Variants in FAM149B1 observed in about 807,000 individuals in gnomAD.
FAM149B1 encodes the protein primary cilium assembly protein FAM149B1.
Under a neutral mutation model 75.3 loss-of-function variants are expected in FAM149B1, and 56 were observed. The ratio of observed to expected loss-of-function variants is 0.74; its 90% CI spans 0.60 to 0.93. The LOEUF (loss-of-function observed/expected upper bound fraction) is 0.93, where lower values mean the gene tolerates loss of function less well. Ranked by LOEUF, FAM149B1 falls within the 40% of genes least tolerant of loss-of-function variation. The pLI, the probability that FAM149B1 is intolerant of heterozygous loss-of-function variation, is 0.00. For synonymous variants in FAM149B1, 259 were observed against 256.1 expected, an observed-to-expected ratio of 1.01 and a Z score of -0.11; for missense variants, 639 against 708.4, an observed-to-expected ratio of 0.90 and a Z score of 1.11.
chr10:73,210,346 A>G lies in FAM149B1; in HGVS notation c.806A>G (p.Asp269Gly), dbSNP rs973939328. ...GCTCCATTTTACTGCATGAAAGAAGATGTCCTTGCTTATGTGTTTGACAGT... is the reference window on the plus strand; with the variant it reads ...GCTCCATTTTACTGCATGAAAGAAGGTGTCCTTGCTTATGTGTTTGACAGT... ...PIAPFYCMKE[D>G]VLAYVFDSVW... Residue 269 changes from aspartate (D) to glycine (G), a missense_variant, in exon 7 of 14, where the codon GAT (aspartate) becomes GGT (glycine). Physicochemically the swap from Asp to Gly is moderately conservative, Grantham distance 94. Coordinates refer to ENST00000242505, the MANE Select transcript of FAM149B1 (RefSeq NM_173348.2). 1 of 1,551,274 alleles carries G rather than the reference A, an allele frequency of 6.4e-7. No homozygotes were observed. Among genetic ancestry groups the G allele is most frequent in the African/African-American group, 1.4e-5 (1 of 73,020 alleles).
rs1195263202 is a variant in FAM149B1, at chr10:73,241,648, C to T, written c.*629C>T. ...ATTTTTTCAGATAGGACAGCTCAAC[C>T]TTACGATGCCTACCTGATGCCAGGT... On this transcript the variant is annotated 3_prime_UTR_variant, in exon 14 of 14. Coordinates refer to ENST00000242505, the MANE Select transcript of FAM149B1 (RefSeq NM_173348.2). 1 of 152,416 alleles carries T rather than the reference C, an allele frequency of 6.6e-6. No homozygotes were observed. Among genetic ancestry groups the T allele is most frequent in the Non-Finnish European group, 1.5e-5 (1 of 68,208 alleles). The allele number at this position is 152,416 out of a possible 1,614,324, so 9.4% of individuals were successfully genotyped here.
In FAM149B1 at chr10:73,242,385, TG is replaced by T. The variant is rs1243136013; in HGVS notation, c.*1368del. ...ATTACCATGAGTTCACTATAACAAC[TG>T]GATCAATATGGCTTGCCTTTCAAAG... On this transcript the variant is annotated 3_prime_UTR_variant, in exon 14 of 14. Transcript: ENST00000242505. 1 of 151,838 alleles carries T rather than the reference TG, an allele frequency of 6.6e-6. No individual in the cohort carries two copies. Among genetic ancestry groups the T allele is most frequent in the African/African-American group, 2.4e-5 (1 of 41,260 alleles). The allele number at this position is 151,838 out of a possible 1,614,324, so 9.4% of individuals were successfully genotyped here. A position where few individuals can be genotyped will look rare whatever the true frequency, so the allele number is the denominator to read the frequency against.
rs557857026 is a variant in FAM149B1, at chr10:73,238,094, C to A, written c.1603-1218C>A. Among the ~76,000 whole-genome samples the A allele has an allele frequency of 3.3e-5, 5 of 152,134 alleles. No homozygotes were observed. The South Asian group carries it at 1.0e-3, about 32-fold the overall frequency. Reference sequence around the variant, plus strand: ...GCTGCAGTGGCTTACACCTGTAATCCCAGCATTTTGGGAGGCTGAGGTGGG... The same window carrying A: ...GCTGCAGTGGCTTACACCTGTAATCACAGCATTTTGGGAGGCTGAGGTGGG... On this transcript the variant is annotated intron_variant, in intron 12 of 13. Transcript: ENST00000242505.
chr10:73,194,402 A>AT (rs1007190038), intron 5 of FAM149B1, among the ~76,000 whole-genome samples: 3 of 151,874 alleles, frequency 2.0e-5, no homozygotes, highest in Admixed American at 2.0e-4. Context: ...TTATTTATTT[A>AT]TTTTTTTTGA....
chr10:73,218,745 C>G (rs2043346904), intron 7 of FAM149B1, among the ~76,000 whole-genome samples: 1 of 151,886 alleles, frequency 6.6e-6, no homozygotes, highest in Non-Finnish European at 1.5e-5. Context: ...ACCTTTTTTT[C>G]TCTAGATCAC....
At position 73,243,396 on chromosome 10, in the gene FAM149B1, T is replaced by G; in HGVS notation, c.*2377T>G. 1 of 1,613,480 alleles carries G rather than the reference T, an allele frequency of 6.2e-7. No individual in the cohort carries two copies. Among genetic ancestry groups the G allele is most frequent in the Non-Finnish European group, 8.5e-7 (1 of 1,179,846 alleles). On this transcript the variant is annotated 3_prime_UTR_variant, in exon 14 of 14. Coordinates refer to ENST00000242505, the MANE Select transcript of FAM149B1 (RefSeq NM_173348.2). ...CCTAAGGACCTTTGAAGAGAAAAAT[T>G]CCATTATTTCTTTTCTTTCTTGAGA...
At chr10:73,236,516 TGA>T in intron 12 of FAM149B1, among the ~76,000 whole-genome samples, 3 of 151,252 alleles carry the variant, frequency 2.0e-5, no homozygotes, top group Non-Finnish European at 4.4e-5. Flanking sequence ...TGGGTTCATG[TGA>T]TTCTCCTGCC....
At position 73,193,507 on chromosome 10, in the gene FAM149B1, T is replaced by G; in HGVS notation, c.456T>G (p.Ser152Arg). The G allele has an allele frequency of 6.5e-7, 1 of 1,550,162 alleles. No homozygotes were observed. Among genetic ancestry groups the G allele is most frequent in the Admixed American group, 2.0e-5 (1 of 50,952 alleles). The change falls in exon 5 of 14, where the codon AGT becomes AGG. Residue 152 changes from serine to arginine, a missense_variant. Ser to Arg is a moderately radical substitution (Grantham distance 110). Coordinates refer to ENST00000242505, the MANE Select transcript of FAM149B1 (RefSeq NM_173348.2). Reference sequence around the variant, plus strand: ...TAGGTAGGCAGATAATCACTCCAAGTGAAGGTTATAGATTGTATCCTAGAT... The same window carrying G: ...TAGGTAGGCAGATAATCACTCCAAGGGAAGGTTATAGATTGTATCCTAGAT... ...RILGRQIITP[S>R]EGYRLYPRSP...
chr10:73,226,098 AAT>A (rs1491315813), intron 7 of FAM149B1, among the ~76,000 whole-genome samples: 5 of 144,590 alleles, frequency 3.5e-5, no homozygotes, highest in African/African-American at 1.4e-4. Context: ...TTACCACAAT[AAT>A]TTTTTTTTTT....
chr10:73,229,419 A>G (rs143269416), intron 8 of FAM149B1, among the ~76,000 whole-genome samples: 89 of 152,350 alleles, frequency 5.8e-4, no homozygotes, highest in Admixed American at 5.9e-4. Flanking sequence ...TACTAAAAAT[A>G]CAAAAACTAG....
At chr10:73,178,032 G>T in intron 3 of FAM149B1, 57 bp downstream of exon 3, 1 of 1,475,144 alleles carries the variant, frequency 6.8e-7, no homozygotes, top group Non-Finnish European at 9.1e-7. Context: ...TGGGAATTAG[G>T]ATTTGTCAGT....
At chr10:73,226,237 T>G (rs1481775799) in intron 7 of FAM149B1, among the ~76,000 whole-genome samples, 1 of 151,916 alleles carries the variant, frequency 6.6e-6, no homozygotes, top group Non-Finnish European at 1.5e-5. Flanking sequence ...CCGGGCACAG[T>G]GGTTCACACC....
chr10:73,227,957 CTTGT>C, intron 7 of FAM149B1, 99 bp from the exon 8 acceptor site: 2 of 1,206,972 alleles, frequency 1.7e-6, no homozygotes, highest in Non-Finnish European at 2.4e-6. Flanking sequence ...TAAGTGAAGC[CTTGT>C]TTGAGATTAT....
chr10:73,178,104 G>A, intron 3 of FAM149B1, 129 bp downstream of exon 3: 2 of 980,176 alleles, frequency 2.0e-6, no homozygotes, highest in Non-Finnish European at 2.9e-6. Context: ...CATAATAACT[G>A]TAAAGAAGTA....
At chr10:73,213,027 T>A (rs1424335977) in intron 7 of FAM149B1, among the ~76,000 whole-genome samples, 1 of 152,062 alleles carries the variant, frequency 6.6e-6, no homozygotes, top group Non-Finnish European at 1.5e-5. Flanking sequence ...GTATTTTTTT[T>A]GTAGAGGCAG....
At chr10:73,195,495 T>C (rs2042782611) in intron 5 of FAM149B1, among the ~76,000 whole-genome samples, 1 of 152,210 alleles carries the variant, frequency 6.6e-6, no homozygotes, top group South Asian at 2.1e-4. Flanking sequence ...TGATCAAAAT[T>C]ACATAACTCA....
intron 4 of FAM149B1, 31 bp downstream of exon 4, chr10:73,192,729 A>T: frequency 2.7e-6 from 4 of 1,487,964 alleles, no homozygotes; most frequent in Non-Finnish European, 3.6e-6. Flanking sequence ...ACTTGTATTC[A>T]TGGCTAATAC....
intron 6 of FAM149B1, 43 bp from the exon 7 acceptor site, chr10:73,210,208 C>G: frequency 1.5e-6 from 2 of 1,371,268 alleles, no homozygotes; most frequent in Non-Finnish European, 2.0e-6. Context: ...AGGCAGCCTT[C>G]CCTTCAGCAT....
rs145601687 is a variant in FAM149B1 at position 73,182,264 on chromosome 10, G to A, written c.282+4289G>A. On this transcript the variant is annotated intron_variant, in intron 3 of 13. Coordinates refer to ENST00000242505, the MANE Select transcript of FAM149B1 (RefSeq NM_173348.2). ...AGTTTAGCTCTTGTAGCCCAGGCTA[G>A]AGTGCAGTGGCACAATCTCGGCTCA... Among the ~76,000 whole-genome samples the A allele has an allele frequency of 8.1e-3, 1,168 of 143,892 alleles. 12 individuals carry two copies. Among genetic ancestry groups the A allele is most frequent in the African/African-American group, 0.027 (1,044 of 38,440 alleles). 94.4% of individuals were successfully genotyped at this position (143,892 alleles called of 152,430 possible).
Sources: allele counts gnomAD v4.1 joint callset (sites outside exome capture counted in the v4.1 genomes callset), GRCh38; gene constraint gnomAD v4.1.1; transcripts MANE v1.5; gene names NCBI Gene and HGNC (gene_info 2026-07-23, HGNC 2026-07-21).